The following ADCY6 variants were observed in gnomAD, a reference collection of about 807,000 sequenced individuals.
The protein encoded by ADCY6 is adenylate cyclase type 6.
In ADCY6, 59 loss-of-function variants were observed where a neutral mutation model predicts 111.6. That is an observed-to-expected ratio of 0.53 (90% CI 0.43 to 0.66). ADCY6 has a LOEUF of 0.66. Ranked by LOEUF, ADCY6 falls within the 30% of genes least tolerant of loss-of-function variation. The probability of loss-of-function intolerance (pLI) is 0.00; values close to 1 mark genes in which losing one functional copy is unlikely to be tolerated. For missense variants in ADCY6, 1,242 were observed against 1,595.6 expected (o/e 0.78, Z 3.78); for synonymous variants, 576 against 642.9 (o/e 0.90, Z 1.57).
chr12:48,784,053 G>A (rs1941924554), intron 1 of ADCY6: 1 of 153,576 alleles, frequency 6.5e-6, no homozygotes, highest in African/African-American at 2.4e-5. Flanking sequence ...TTGCACTCCA[G>A]CCTGGGTGAC....
In ADCY6 at chr12:48,768,651, G is replaced by C. The variant is rs372365839; in HGVS notation, c.3447C>G (p.Val1149=). 1 of 1,614,076 alleles carries C rather than the reference G, an allele frequency of 6.2e-7. No homozygotes were observed. Among genetic ancestry groups the C allele is most frequent in the African/African-American group, 1.3e-5 (1 of 75,004 alleles). Residue 1149 remains valine (V), a synonymous_variant, in exon 22 of 22, where the codon GTC becomes GTG. Transcript: ENST00000357869. The stretch of plus-strand genomic sequence containing the variant: ...TCATCTCCCCCTTGCCCTTCACCTT[G>C]ACCACCCCTCGACACTCCAGCTGGT... ...KGYQLECRGV[V]KVKGKGEMTT...
At position 48,771,395 on chromosome 12, in the gene ADCY6, C is replaced by G. The variant is rs1006472757; in HGVS notation, c.3051+315G>C. ...CAGAGGACCATCTTGCTTGGTTGGT[C>G]TCATGAGGTTCTGTCCACAGACTAT... On this transcript the variant is annotated intron_variant, in intron 19 of 21. Coordinates refer to ENST00000357869, the MANE Select transcript of ADCY6 (RefSeq NM_015270.5). The surrounding 1 kb of genome is among the most constrained non-coding windows in gnomAD (Gnocchi z 4.3). 4 of 518,872 alleles carry G rather than the reference C, an allele frequency of 7.7e-6. No individual in the cohort carries two copies. Among genetic ancestry groups the G allele is most frequent in the Non-Finnish European group, 1.4e-5 (4 of 284,718 alleles). 32.1% of individuals were successfully genotyped at this position (518,872 alleles called of 1,614,324 possible). A position where few individuals can be genotyped will look rare whatever the true frequency, so the allele number is the denominator to read the frequency against.
rs1044071908 is a variant in ADCY6 at position 48,775,716 on chromosome 12, G to C, written c.1807-18C>G. The C allele has an allele frequency of 6.2e-7, 1 of 1,612,804 alleles. No homozygotes were observed. Among genetic ancestry groups the C allele is most frequent in the Non-Finnish European group, 8.5e-7 (1 of 1,179,066 alleles). Reference sequence around the variant, plus strand: ...TCAATGCCCTGGAGAAAGGGACAGAGTGTGGAGTGAGGTGAAGGGCCAACA... The same window carrying C: ...TCAATGCCCTGGAGAAAGGGACAGACTGTGGAGTGAGGTGAAGGGCCAACA... On this transcript the variant is annotated intron_variant, in intron 9 of 21. Transcript: ENST00000357869.
chr12:48,775,638 C>G, intron 10 of ADCY6, 35 bp downstream of exon 10: 1 of 1,605,080 alleles, frequency 6.2e-7, no homozygotes, highest in East Asian at 2.2e-5. Flanking sequence ...TCCCAGGGTG[C>G]AAGTGCCTTC....
chr12:48,780,391 C>G (rs530850759), intron 2 of ADCY6, among the ~76,000 whole-genome samples: 2 of 152,270 alleles, frequency 1.3e-5, no homozygotes, highest in African/African-American at 2.4e-5. Flanking sequence ...AAGGAGGCCA[C>G]AAACCCCACC....
At position 48,770,935 on chromosome 12, in the gene ADCY6, C is replaced by T; in HGVS notation, c.3087G>A (p.Lys1029=). The change falls in exon 20 of 22, where the codon AAG becomes AAA. Residue 1029 remains lysine (K), a synonymous_variant. Transcript: ENST00000357869. ...TGTAGGTGCTACCAATCGTCTTGAT[C>T]TTTTCCAGCTGCCGGAACCGCTCCT... ...ISEERFRQLE[K]IKTIGSTYMA... 1 of 1,614,188 alleles carries T rather than the reference C, an allele frequency of 6.2e-7. No homozygotes were observed. The highest frequency in any genetic ancestry group is 1.1e-5 in the South Asian group (1 of 91,084).
At chr12:48,772,048 C>A (rs777470134) in intron 18 of ADCY6, 75 bp from the exon 19 acceptor site, 2 of 1,530,470 alleles carry the variant, frequency 1.3e-6, no homozygotes, top group African/African-American at 2.8e-5. Flanking sequence ...CTTGGAAGTG[C>A]GGATAAGAGG....
chr12:48,786,130 T>C (rs949423659), intron 1 of ADCY6, among the ~76,000 whole-genome samples: 1 of 152,122 alleles, frequency 6.6e-6, no homozygotes, highest in South Asian at 2.1e-4. Flanking sequence ...CACTGACATT[T>C]GTACTCACTC....
At chr12:48,770,643 C>T in intron 20 of ADCY6, 123 bp downstream of exon 20, 2 of 945,442 alleles carry the variant, frequency 2.1e-6, no homozygotes, top group Non-Finnish European at 3.3e-6. Flanking sequence ...TATAGGAGGT[C>T]AGAGGGAAGA....
At position 48,782,612 on chromosome 12, in the gene ADCY6, C is replaced by T. The variant is rs1192790720; in HGVS notation, c.823G>A (p.Ala275Thr). Residue 275 changes from alanine (A) to threonine (T), a missense_variant, in exon 2 of 22, where the codon GCC (alanine) becomes ACC (threonine). Around this residue, in one of 4 missense-constraint regions of ADCY6, gnomAD observed 260 missense variants for 414.6 expected, o/e 0.63. Transcript: ENST00000357869. This position sits in a 1 kb window ranked among gnomAD's most constrained non-coding sequence, Gnocchi z 4.3. ...LGLSTLHLILAWQLNRGDAFL... is the reference protein window; with the variant it reads ...LGLSTLHLILTWQLNRGDAFL... ...GCATCACCACGGTTAAGTTGCCAGG[C>T]CAAGATCAAATGCAAGGTGGAGAGG... The T allele has an allele frequency of 6.2e-7, 1 of 1,611,664 alleles. No homozygotes were observed. Among genetic ancestry groups the T allele is most frequent in the Non-Finnish European group, 8.5e-7 (1 of 1,178,832 alleles).
At position 48,777,965 on chromosome 12, in the gene ADCY6, C is replaced by A; in HGVS notation, c.1014+143G>T. 1 of 1,312,766 alleles carries A rather than the reference C, an allele frequency of 7.6e-7. No homozygotes were observed. The highest frequency in any genetic ancestry group is 1.0e-6 in the Non-Finnish European group (1 of 965,404). 81.3% of individuals were successfully genotyped at this position (1,312,766 alleles called of 1,614,324 possible). The stretch of plus-strand genomic sequence containing the variant: ...CCTTCCCTTGGACAGGACAAAACCC[C>A]AGTATCACAGGGCCTCTGTGACGCA... On this transcript the variant is annotated intron_variant, in intron 3 of 21. Transcript: ENST00000357869. The surrounding 1 kb of genome is among the most constrained non-coding windows in gnomAD (Gnocchi z 4.9).
intron 21 of ADCY6, 84 bp downstream of exon 21, chr12:48,768,853 C>T (rs753281591): frequency 6.4e-6 from 10 of 1,552,800 alleles, no homozygotes; most frequent in Admixed American, 1.8e-5. Flanking sequence ...AGCCACCCTA[C>T]CCCTGTCCTA....
At chr12:48,774,923 A>T (rs747277493) in intron 12 of ADCY6, 34 bp downstream of exon 12, 1 of 1,538,744 alleles carries the variant, frequency 6.5e-7, no homozygotes, top group South Asian at 1.2e-5. Context: ...AGTGGTGAAG[A>T]GAGAAGCTAA....
At chr12:48,787,362 G>A (rs538015072) in intron 1 of ADCY6, among the ~76,000 whole-genome samples, 1 of 151,938 alleles carries the variant, frequency 6.6e-6, no homozygotes, top group African/African-American at 2.4e-5. Flanking sequence ...ACAGAGAAAG[G>A]GGCAAATGCT....
At chr12:48,774,205 C>T in intron 14 of ADCY6, 107 bp from the exon 15 acceptor site, 1 of 1,164,876 alleles carries the variant, frequency 8.6e-7, no homozygotes, top group Non-Finnish European at 1.2e-6. Context: ...TACCTTATAC[C>T]CCATGGGCCT....
At chr12:48,770,337 A>C (rs11168732) in intron 20 of ADCY6, among the ~76,000 whole-genome samples, 32,009 of 152,098 alleles carry the variant, frequency 0.21, 4,653 homozygotes, top group African/African-American at 0.42. Context: ...ATTCAAACCA[A>C]ATAGTCCATC....
chr12:48,768,600 G>A lies in ADCY6; in HGVS notation c.3498C>T (p.Pro1166=), dbSNP rs2137322790. 6.2e-7 allele frequency: 1 copy of A among 1,614,072 alleles called. No individual in the cohort carries two copies. Among genetic ancestry groups the A allele is most frequent in the Non-Finnish European group, 8.5e-7 (1 of 1,179,980 alleles). The change falls in exon 22 of 22, where the codon CCC becomes CCT. Residue 1166 remains proline (P), a synonymous_variant. Transcript: ENST00000357869. ...TTGTGGCTGGGCCCTGTTAACTGCT[G>A]GGGCCCCCATTGAGGAAGTAGGTGG... ...EMTTYFLNGG[P]SS
chr12:48,773,898 TGCCAG>T, intron 15 of ADCY6, 37 bp downstream of exon 15: 1 of 1,604,718 alleles, frequency 6.2e-7, no homozygotes. Flanking sequence ...CCAATGTCTG[TGCCAG>T]GACAGCCCCC....
In ADCY6 at chr12:48,776,647, C is replaced by T. The variant is rs746483188; in HGVS notation, c.1377-61G>A. 149 of 1,551,682 alleles carry T rather than the reference C, an allele frequency of 9.6e-5. No individual in the cohort carries two copies. The highest frequency in any genetic ancestry group is 1.3e-4 in the Non-Finnish European group (145 of 1,153,598). ...TCTTCCCCTCCCCCAGCCCACAACC[C>T]AGGCCCTTCACTCCTCTCAGGGCCC... On this transcript the variant is annotated intron_variant, in intron 6 of 21. Transcript: ENST00000357869. The surrounding 1 kb of genome is among the most constrained non-coding windows in gnomAD (Gnocchi z 6.1).
Sources: gnomAD v4.1 joint callset for allele counts (sites outside exome capture counted in the v4.1 genomes callset) on GRCh38, gnomAD v4.1.1 for gene constraint, gnomAD v4.1.1 regional missense constraint, Gnocchi (gnomAD v3.1) non-coding constraint, MANE v1.5 for transcripts, NCBI Gene and HGNC (gene_info 2026-07-23, HGNC 2026-07-21) for gene names.